The following RIN3 variants were observed in gnomAD, a reference collection of about 807,000 sequenced individuals.
RIN3 encodes Ras and Rab interactor 3.
RIN3 carries 54 observed loss-of-function variants against 76.3 expected under a neutral mutation model. The observed-to-expected ratio is 0.71, with a 90% CI of 0.57 to 0.89. The LOEUF (loss-of-function observed/expected upper bound fraction) is 0.89. Among genes scored for constraint, RIN3 ranks in the 40% least tolerant of loss-of-function variants. RIN3 has a pLI of 0.00. For synonymous variants in RIN3, 576 were observed against 564.0 expected (o/e 1.02, Z -0.30); for missense variants, 1,256 against 1,322.1 (o/e 0.95, Z 0.78).
intron 6 of RIN3, among the ~76,000 whole-genome samples, chr14:92,653,847 G>C (rs1028684396): frequency 1.3e-5 from 2 of 150,730 alleles, no homozygotes; most frequent in Admixed American, 6.6e-5. Context: ...GCAAAACCCC[G>C]TCTCTACAAA....
At chr14:92,684,738 G>A (rs924637755) in intron 8 of RIN3, among the ~76,000 whole-genome samples, 4 of 151,920 alleles carry the variant, frequency 2.6e-5, no homozygotes, top group African/African-American at 9.7e-5. Context: ...CAAGAGTTTC[G>A]TCCCCAAGGG....
intron 4 of RIN3, among the ~76,000 whole-genome samples, chr14:92,636,586 A>AAAAAT (rs1246621537): frequency 2.0e-5 from 3 of 152,246 alleles, no homozygotes; most frequent in African/African-American, 4.8e-5. Context: ...TCCATCTCAA[A>AAAAAT]AAAATAAAAT....
At chr14:92,636,211 GGA>G (rs1225425446) in intron 4 of RIN3, among the ~76,000 whole-genome samples, 2 of 151,638 alleles carry the variant, frequency 1.3e-5, no homozygotes, top group African/African-American at 2.4e-5. Context: ...TGATGAAAGA[GGA>G]GAGAGAGGAA....
In RIN3 at chr14:92,651,711, G is replaced by A; in HGVS notation, c.662G>A (p.Cys221Tyr). 6.2e-7 allele frequency: 1 copy of A among 1,614,098 alleles called. No homozygotes were observed. The change falls in exon 6 of 10, where the codon TGT becomes TAT. Residue 221 changes from cysteine (C) to tyrosine (Y), a missense_variant. Cys to Tyr is a radical substitution (Grantham distance 194, BLOSUM62 -2). This residue lies in a region of RIN3 where 610 missense variants were observed against 626.4 expected (regional missense o/e 0.97). Transcript: ENST00000216487. ...ACAGCCCATGACGCAAACTGTGCCT[G>A]TGAAATCGAGCTGTCGGTAGGAAAT... is the stretch of plus-strand genomic sequence containing the variant. ...RPTAHDANCA[C>Y]EIELSVGNDR...
intron 3 of RIN3, among the ~76,000 whole-genome samples, chr14:92,584,699 G>A (rs1884704373): frequency 6.6e-6 from 1 of 152,202 alleles, no homozygotes; most frequent in South Asian, 2.1e-4. Context: ...AGGGAGGCTA[G>A]CACAGCTGCT....
chr14:92,588,462 G>A (rs1378131096), intron 3 of RIN3, among the ~76,000 whole-genome samples: 3 of 151,850 alleles, frequency 2.0e-5, no homozygotes, highest in Non-Finnish European at 4.4e-5. Flanking sequence ...CCAACCTCAG[G>A]TGATCCGCCT....
chr14:92,622,599 T>C (rs982109979), intron 4 of RIN3, among the ~76,000 whole-genome samples: 3 of 152,196 alleles, frequency 2.0e-5, no homozygotes, highest in African/African-American at 4.8e-5. Context: ...TTCTTATCCC[T>C]AACGCAGACC....
intron 3 of RIN3, among the ~76,000 whole-genome samples, chr14:92,612,469 G>A (rs111922551): frequency 8.5e-5 from 13 of 152,226 alleles, no homozygotes; most frequent in African/African-American, 3.1e-4. Flanking sequence ...CATCAGCCAC[G>A]TGGTAAGAGG....
In RIN3 at chr14:92,623,667, G is replaced by A. The variant is rs1234708283; in HGVS notation, c.440+8188G>A. On this transcript the variant is annotated intron_variant, in intron 4 of 9. Transcript: ENST00000216487. The surrounding 1 kb of genome is among the most constrained non-coding windows in gnomAD (Gnocchi z 4.9). Reference sequence around the variant, plus strand: ...GTGAAAGGGATGGCCAATTGAATTAGAGCACAAGTACCACTCCAGTTACTT... The same window carrying A: ...GTGAAAGGGATGGCCAATTGAATTAAAGCACAAGTACCACTCCAGTTACTT... Among the ~76,000 whole-genome samples the A allele has an allele frequency of 1.3e-5, 2 of 152,146 alleles. No individual in the cohort carries two copies. Among genetic ancestry groups the A allele is most frequent in the Admixed American group, 6.5e-5 (1 of 15,270 alleles).
intron 1 of RIN3, among the ~76,000 whole-genome samples, chr14:92,531,267 G>C (rs1221238762): frequency 2.0e-5 from 3 of 152,140 alleles, no homozygotes; most frequent in Non-Finnish European, 2.9e-5. Flanking sequence ...TGGAATGTCT[G>C]TGTCCCCACA....
chr14:92,523,092 T>C (rs1223978891), intron 1 of RIN3, among the ~76,000 whole-genome samples: 1 of 152,302 alleles, frequency 6.6e-6, no homozygotes, highest in Admixed American at 6.5e-5. Flanking sequence ...GAGGAATACA[T>C]ACTATCTTGT....
chr14:92,566,453 C>A (rs1897918139), intron 2 of RIN3, among the ~76,000 whole-genome samples: 1 of 152,138 alleles, frequency 6.6e-6, no homozygotes, highest in Non-Finnish European at 1.5e-5. Flanking sequence ...GCTTTATTGA[C>A]CACCCGTGAT....
intron 3 of RIN3, among the ~76,000 whole-genome samples, chr14:92,609,774 C>T (rs1287425641): frequency 6.6e-6 from 1 of 151,904 alleles, no homozygotes; most frequent in African/African-American, 2.4e-5. Flanking sequence ...ACTGTCTCCG[C>T]TTACAGAAGT....
chr14:92,654,448 G>A (rs1887589813), intron 6 of RIN3, among the ~76,000 whole-genome samples: 1 of 152,230 alleles, frequency 6.6e-6, no homozygotes, highest in Non-Finnish European at 1.5e-5. Context: ...CCGTCCCCTG[G>A]CGTCCCTAAG....
At chr14:92,554,504 C>G (rs1320493078) in intron 1 of RIN3, among the ~76,000 whole-genome samples, 1 of 152,170 alleles carries the variant, frequency 6.6e-6, no homozygotes, top group Admixed American at 6.5e-5. Context: ...CTAGAACTGT[C>G]CTATATCAGC....
chr14:92,526,616 G>C (rs1215662187), intron 1 of RIN3, among the ~76,000 whole-genome samples: 3 of 152,138 alleles, frequency 2.0e-5, no homozygotes, highest in Non-Finnish European at 4.4e-5. Flanking sequence ...AGCTGGGCGT[G>C]GTGGCGTGTG....
intron 4 of RIN3, among the ~76,000 whole-genome samples, chr14:92,637,971 C>T (rs1037618065): frequency 6.6e-6 from 1 of 152,144 alleles, no homozygotes; most frequent in Non-Finnish European, 1.5e-5. Flanking sequence ...GATGCCTGCC[C>T]TCAAGGTGCC....
At chr14:92,626,901 C>T (rs1886378525) in intron 4 of RIN3, among the ~76,000 whole-genome samples, 1 of 152,130 alleles carries the variant, frequency 6.6e-6, no homozygotes, top group Non-Finnish European at 1.5e-5. Context: ...TCTCTTCCCG[C>T]AAGACCAGAC....
At chr14:92,639,988 C>G (rs1300791419) in intron 4 of RIN3, among the ~76,000 whole-genome samples, 1 of 133,956 alleles carries the variant, frequency 7.5e-6, no homozygotes, top group African/African-American at 2.8e-5. Context: ...GGCTGCCTGA[C>G]TGTGCGTTTG....
Sources: allele counts gnomAD v4.1 joint callset (sites outside exome capture counted in the v4.1 genomes callset), GRCh38; gene constraint gnomAD v4.1.1; regional missense constraint gnomAD v4.1.1; non-coding constraint Gnocchi (gnomAD v3.1); transcripts MANE v1.5; gene names NCBI Gene and HGNC (gene_info 2026-07-23, HGNC 2026-07-21).